SOX6: variants seen among roughly 807,000 people sequenced by gnomAD.
SOX6 encodes the protein SRY-box transcription factor 6.
In SOX6, 11 loss-of-function variants were observed where a neutral mutation model predicts 97.8. The observed-to-expected ratio is 0.11, with a 90% CI of 0.07 to 0.19. The LOEUF is 0.19. SOX6 is among the 10% of genes least tolerant of loss of function. SOX6 has a pLI of 1.00. For synonymous variants in SOX6, 360 were observed against 371.4 expected (o/e 0.97, Z 0.35); for missense variants, 810 against 1,039.5 (o/e 0.78, Z 3.04).
rs114959234 is a variant in SOX6, at chr11:16,285,652, T to A, written c.445+32794A>T. Among the ~76,000 whole-genome samples, 278 of 152,270 alleles carry A rather than the reference T, an allele frequency of 1.8e-3. 1 individual carries two copies. Among genetic ancestry groups the A allele is most frequent in the African/African-American group, 4.7e-3 (197 of 41,564 alleles). ...TGCTTAATATGCAACAAGAGCTCAA[T>A]AAATGTCTGTGAACGAATGAATGAA... On this transcript the variant is annotated intron_variant, in intron 3 of 15. Coordinates refer to ENST00000683767, the MANE Select transcript of SOX6 (RefSeq NM_001367873.1).
chr11:16,176,312 C>T (rs934509600), intron 6 of SOX6, among the ~76,000 whole-genome samples: 8 of 151,806 alleles, frequency 5.3e-5, no homozygotes, highest in African/African-American at 1.9e-4. Context: ...TTGGGATAGG[C>T]ATCAGTATTT....
chr11:16,432,569 AT>A (rs1565143972), intron 1 of SOX6, among the ~76,000 whole-genome samples: 1 of 152,032 alleles, frequency 6.6e-6, no homozygotes, highest in African/African-American at 2.4e-5. Flanking sequence ...CATTTGTCTT[AT>A]TTTTTTAAGT....
chr11:16,401,923 T>A (rs1020724716), intron 1 of SOX6, among the ~76,000 whole-genome samples: 2 of 151,564 alleles, frequency 1.3e-5, no homozygotes, highest in African/African-American at 4.8e-5. Flanking sequence ...CAAGAGATGA[T>A]GTTTTTGCTT....
At chr11:16,072,344 T>C (rs2133943859) in intron 9 of SOX6, among the ~76,000 whole-genome samples, 1 of 152,140 alleles carries the variant, frequency 6.6e-6, no homozygotes, top group African/African-American at 2.4e-5. Flanking sequence ...GGAAAGAAAC[T>C]CAGAGCTTCA....
chr11:16,296,026 AGGC>A (rs1855074702), intron 3 of SOX6, among the ~76,000 whole-genome samples: 1 of 152,134 alleles, frequency 6.6e-6, no homozygotes, highest in East Asian at 1.9e-4. Context: ...AAGGTCCTTT[AGGC>A]CCTTCCTATG....
intron 3 of SOX6, among the ~76,000 whole-genome samples, chr11:16,634,979 GC>G (rs747846828): frequency 1.3e-5 from 2 of 152,144 alleles, no homozygotes; most frequent in Non-Finnish European, 2.9e-5. Flanking sequence ...GAAGATGTTT[GC>G]TTCCCCTTCT....
intron 4 of SOX6, among the ~76,000 whole-genome samples, chr11:16,516,389 C>T (rs1342881429): frequency 6.6e-6 from 1 of 152,120 alleles, no homozygotes; most frequent in East Asian, 1.9e-4. Context: ...GATTTTTGTA[C>T]ATCGATTTTG....
At chr11:16,016,308 A>T (rs1301061863) in intron 12 of SOX6, among the ~76,000 whole-genome samples, 1 of 152,022 alleles carries the variant, frequency 6.6e-6, no homozygotes, top group Non-Finnish European at 1.5e-5. Flanking sequence ...CCCCTTCGTC[A>T]TGGAATATGT....
intron 4 of SOX6, among the ~76,000 whole-genome samples, chr11:16,490,640 C>T (rs2133132301): frequency 6.6e-6 from 1 of 151,998 alleles, no homozygotes; most frequent in East Asian, 1.9e-4. Context: ...ATTAAAAAGT[C>T]AATTCATCAA....
intron 2 of SOX6, among the ~76,000 whole-genome samples, chr11:16,727,969 A>G (rs1288794286): frequency 6.6e-6 from 1 of 152,198 alleles, no homozygotes; most frequent in African/African-American, 2.4e-5. Flanking sequence ...TGGCCAGAAC[A>G]GAAGATATAC....
At chr11:16,589,542 A>G (rs12364964) in intron 4 of SOX6, among the ~76,000 whole-genome samples, 37,067 of 152,106 alleles carry the variant, frequency 0.24, 4,820 homozygotes, top group Middle Eastern at 0.31. Context: ...GTAGGCCTTA[A>G]TGATAACAAG....
intron 4 of SOX6, among the ~76,000 whole-genome samples, chr11:16,531,388 T>TA (rs1253808518): frequency 2.0e-5 from 3 of 151,742 alleles, no homozygotes; most frequent in African/African-American, 7.2e-5. Flanking sequence ...ACATTTATAA[T>TA]AAAAAAAGAA....
intron 1 of SOX6, among the ~76,000 whole-genome samples, chr11:16,341,520 A>C (rs889517539): frequency 4.6e-5 from 7 of 152,010 alleles, no homozygotes; most frequent in Non-Finnish European, 7.4e-5. Context: ...AAGTTTTCAT[A>C]ATGGACAGGG....
chr11:16,250,280 G>A (rs1310855299), intron 3 of SOX6, among the ~76,000 whole-genome samples: 4 of 63,232 alleles, frequency 6.3e-5, no homozygotes, highest in Admixed American at 1.2e-4. Context: ...TGCAAGCCAC[G>A]GCCTTGCCTT....
At chr11:16,662,136 G>T (rs1847770361) in intron 3 of SOX6, among the ~76,000 whole-genome samples, 1 of 152,074 alleles carries the variant, frequency 6.6e-6, no homozygotes, top group Non-Finnish European at 1.5e-5. Flanking sequence ...GTAGATCTGA[G>T]TTTCTGACCT....
intron 3 of SOX6, among the ~76,000 whole-genome samples, chr11:16,303,263 T>A (rs1565079497): frequency 2.0e-5 from 3 of 152,180 alleles, no homozygotes. Context: ...CAACAGTATT[T>A]TAGGTTAATG....
chr11:16,347,838 G>A (rs1388851010), intron 1 of SOX6, among the ~76,000 whole-genome samples: 2 of 151,946 alleles, frequency 1.3e-5, no homozygotes, highest in Non-Finnish European at 2.9e-5. Flanking sequence ...ACTTTAGATT[G>A]TTTCAAAATA....
At chr11:16,136,419 G>T (rs1849966282) in intron 6 of SOX6, among the ~76,000 whole-genome samples, 1 of 136,262 alleles carries the variant, frequency 7.3e-6, no homozygotes, top group African/African-American at 2.7e-5. Flanking sequence ...TTTTTTTTAA[G>T]AGACAAGGTC....
intron 9 of SOX6, among the ~76,000 whole-genome samples, chr11:16,069,257 T>C (rs1212941540): frequency 6.6e-6 from 1 of 152,160 alleles, no homozygotes; most frequent in Non-Finnish European, 1.5e-5. Context: ...AGCTCATGCC[T>C]AGGAAAGGAA....
Sources: allele counts gnomAD v4.1 joint callset (sites outside exome capture counted in the v4.1 genomes callset), GRCh38; gene constraint gnomAD v4.1.1; transcripts MANE v1.5; gene names NCBI Gene and HGNC (gene_info 2026-07-23, HGNC 2026-07-21).